NPAS3: variants seen among roughly 807,000 people sequenced by gnomAD.
The protein encoded by NPAS3 is neuronal PAS domain-containing protein 3.
Under a neutral mutation model 73.1 loss-of-function variants are expected in NPAS3, and 14 were observed. The ratio of observed to expected loss-of-function variants is 0.19; its 90% CI spans 0.13 to 0.30. The LOEUF (loss-of-function observed/expected upper bound fraction) is 0.30, where lower values mean the gene tolerates loss of function less well. Among genes scored for constraint, NPAS3 ranks in the 10% least tolerant of loss-of-function variants. The pLI is 1.00. For missense variants in NPAS3, 1,096 were observed against 1,250.0 expected, an observed-to-expected ratio of 0.88 and a Z score of 1.86; for synonymous variants, 620 against 541.5, an observed-to-expected ratio of 1.14 and a Z score of -2.01.
At chr14:33,354,149 G>C (rs1034200396) in intron 3 of NPAS3, among the ~76,000 whole-genome samples, 1 of 152,110 alleles carries the variant, frequency 6.6e-6, no homozygotes, top group African/African-American at 2.4e-5. Context: ...GCTTCTCAGG[G>C]TATAGACATC....
At chr14:33,356,288 CA>C (rs2045335168) in intron 3 of NPAS3, among the ~76,000 whole-genome samples, 1 of 152,212 alleles carries the variant, frequency 6.6e-6, no homozygotes, top group African/African-American at 2.4e-5. Flanking sequence ...TTCAGTTATT[CA>C]GTTCAAATTT....
chr14:33,282,505 G>C (rs1300290554), intron 3 of NPAS3, among the ~76,000 whole-genome samples: 3 of 152,196 alleles, frequency 2.0e-5, no homozygotes, highest in Non-Finnish European at 4.4e-5. Context: ...TCCTGGGTGA[G>C]AGGGACACTG....
chr14:33,266,886 A>G (rs1258284661), intron 3 of NPAS3, among the ~76,000 whole-genome samples: 1 of 152,178 alleles, frequency 6.6e-6, no homozygotes, highest in Non-Finnish European at 1.5e-5. Context: ...ATAAATATCA[A>G]AGGTCTGAAT....
At chr14:33,239,168 T>A (rs1032776355) in intron 3 of NPAS3, among the ~76,000 whole-genome samples, 1 of 151,910 alleles carries the variant, frequency 6.6e-6, no homozygotes, top group African/African-American at 2.4e-5. Flanking sequence ...TAAGAGGACT[T>A]CTCAGTGTAT....
chr14:33,778,747 T>C (rs980917913), intron 9 of NPAS3, among the ~76,000 whole-genome samples, 175 bp downstream of exon 9: 1 of 152,196 alleles, frequency 6.6e-6, no homozygotes, highest in African/African-American at 2.4e-5. Flanking sequence ...TAGAATTAGA[T>C]TGAAAGTTGG....
intron 1 of NPAS3, among the ~76,000 whole-genome samples, chr14:32,949,787 CTG>C (rs1403580317): frequency 6.6e-6 from 1 of 151,764 alleles, no homozygotes; most frequent in Non-Finnish European, 1.5e-5. Context: ...TATATGAACT[CTG>C]TATATTTTAT....
intron 4 of NPAS3, among the ~76,000 whole-genome samples, chr14:33,386,686 CT>C (rs1282107086): frequency 6.6e-6 from 1 of 152,004 alleles, no homozygotes; most frequent in African/African-American, 2.4e-5. Context: ...CCAAAAGTTG[CT>C]GTATTTCTTG....
intron 7 of NPAS3, among the ~76,000 whole-genome samples, chr14:33,771,338 A>G (rs189420130): frequency 6.6e-6 from 1 of 152,344 alleles, no homozygotes; most frequent in African/African-American, 2.4e-5. Flanking sequence ...ACACACAGAC[A>G]GACAAACACA....
At chr14:33,051,059 G>T (rs2040685523) in intron 1 of NPAS3, among the ~76,000 whole-genome samples, 1 of 151,852 alleles carries the variant, frequency 6.6e-6, no homozygotes, top group Non-Finnish European at 1.5e-5. Flanking sequence ...TGGATCACGA[G>T]GTCAGGAGAT....
intron 4 of NPAS3, among the ~76,000 whole-genome samples, chr14:33,415,307 T>C (rs1001660915): frequency 6.6e-6 from 1 of 152,158 alleles, no homozygotes; most frequent in Non-Finnish European, 1.5e-5. Flanking sequence ...CTGTTATTCC[T>C]GGATTGGGTA....
At chr14:33,378,631 A>G (rs560338436) in intron 4 of NPAS3, among the ~76,000 whole-genome samples, 1 of 152,194 alleles carries the variant, frequency 6.6e-6, no homozygotes, top group Admixed American at 6.5e-5. Context: ...GCAAGACTCC[A>G]CCTCAAAAAA....
chr14:32,975,569 G>A (rs2037630818), intron 1 of NPAS3, among the ~76,000 whole-genome samples: 1 of 152,174 alleles, frequency 6.6e-6, no homozygotes, highest in Admixed American at 6.5e-5. Flanking sequence ...TGCCAACAAA[G>A]GAGATTTATA....
exon 2 of NPAS3, chr14:33,055,960 T>C (rs2040872605): frequency 1.2e-6 from 1 of 810,236 alleles, no homozygotes; most frequent in African/African-American, 1.7e-5. Context: ...AATCTACAGA[T>C]ATGACGGAAT....
At chr14:32,939,268 G>C, upstream of NPAS3, 1 of 697,302 alleles carries the variant, frequency 1.4e-6, no homozygotes, top group Non-Finnish European at 2.5e-6. Context: ...CCCCACCCGG[G>C]AGGGGGGAGA....
chr14:32,947,791 CTCA>C (rs1566789875), intron 1 of NPAS3, among the ~76,000 whole-genome samples: 1 of 151,988 alleles, frequency 6.6e-6, no homozygotes, highest in Non-Finnish European at 1.5e-5. Context: ...GCAAAGTAGG[CTCA>C]TCATTTTTTT....
chr14:32,996,542 A>C (rs1195977624), intron 1 of NPAS3, among the ~76,000 whole-genome samples: 1 of 152,134 alleles, frequency 6.6e-6, no homozygotes, highest in African/African-American at 2.4e-5. Context: ...TGCTGTGTGC[A>C]GCCTTGGGAT....
chr14:32,989,386 T>G (rs2038222454), intron 1 of NPAS3, among the ~76,000 whole-genome samples: 3 of 152,226 alleles, frequency 2.0e-5, no homozygotes, highest in Non-Finnish European at 4.4e-5. Flanking sequence ...GGCTCACGCC[T>G]GTAATCCCAG....
chr14:33,591,901 TAAAAG>T (rs563511288), intron 5 of NPAS3, among the ~76,000 whole-genome samples: 1 of 152,284 alleles, frequency 6.6e-6, no homozygotes, highest in South Asian at 2.1e-4. Context: ...ATGTGCACAT[TAAAAG>T]AAACCATGTG....
intron 4 of NPAS3, among the ~76,000 whole-genome samples, chr14:33,367,955 T>C (rs1182641522): frequency 2.0e-5 from 3 of 152,134 alleles, no homozygotes; most frequent in African/African-American, 7.2e-5. Flanking sequence ...TGCCATCGAT[T>C]CAACACTTCT....
Sources: gnomAD v4.1 joint callset for allele counts (sites outside exome capture counted in the v4.1 genomes callset) on GRCh38, gnomAD v4.1.1 for gene constraint, MANE v1.5 for transcripts, NCBI Gene and HGNC (gene_info 2026-07-23, HGNC 2026-07-21) for gene names.